COL4A6: variants seen among roughly 807,000 people sequenced by gnomAD.
The protein encoded by COL4A6 is collagen alpha-6(IV) chain.
Under a neutral mutation model 126.7 loss-of-function variants are expected in COL4A6, and 59 were observed. That is an observed-to-expected ratio of 0.47 (90% CI 0.38 to 0.58). COL4A6 has a LOEUF of 0.58. Among genes scored for constraint, COL4A6 ranks in the 20% least tolerant of loss-of-function variants. COL4A6 has a pLI of 0.00. For missense variants in COL4A6, 1,285 were observed against 1,337.3 expected, an observed-to-expected ratio of 0.96 and a Z score of 0.61; for synonymous variants, 547 against 496.6, an observed-to-expected ratio of 1.10 and a Z score of -1.35.
chrX:108,344,166 T>A (rs750397934), intron 2 of COL4A6, among the ~76,000 whole-genome samples: 2 of 111,283 alleles, frequency 1.8e-5, no homozygotes, highest in South Asian at 7.8e-4. Context: ...ACTCCATGTC[T>A]AAAATCAGCC....
At chrX:108,234,187 T>G (rs1422325306) in intron 3 of COL4A6, among the ~76,000 whole-genome samples, 1 of 112,117 alleles carries the variant, frequency 8.9e-6, no homozygotes, top group African/African-American at 3.2e-5. Flanking sequence ...CTAGAGAAAG[T>G]AATTGAGACC....
chrX:108,184,887 C>A (rs1432847807), intron 23 of COL4A6, among the ~76,000 whole-genome samples: 1 of 112,114 alleles, frequency 8.9e-6, no homozygotes, highest in African/African-American at 3.2e-5. Flanking sequence ...TTGCTAATAG[C>A]CAGAAGACTT....
intron 12 of COL4A6, 49 bp from the exon 13 acceptor site, chrX:108,203,030 G>A (rs770998317): frequency 6.3e-5 from 66 of 1,051,727 alleles, no homozygotes; most frequent in South Asian, 1.5e-4. Flanking sequence ...AGCAGTGAAC[G>A]CACAGTAGGA....
At chrX:108,232,929 C>A (rs1192065335) in intron 3 of COL4A6, among the ~76,000 whole-genome samples, 1 of 111,470 alleles carries the variant, frequency 9.0e-6, no homozygotes, top group Non-Finnish European at 1.9e-5. Context: ...ATTTGCTAGA[C>A]TCATGAGGCC....
At chrX:108,323,401 G>A (rs1364718881) in intron 2 of COL4A6, among the ~76,000 whole-genome samples, 1 of 111,813 alleles carries the variant, frequency 8.9e-6, no homozygotes, top group Non-Finnish European at 1.9e-5. Flanking sequence ...AAGTATCATT[G>A]GAGAAGATAA....
At chrX:108,337,524 A>G (rs926383861) in intron 2 of COL4A6, among the ~76,000 whole-genome samples, 3 of 113,076 alleles carry the variant, frequency 2.7e-5, no homozygotes, top group African/African-American at 9.6e-5. Context: ...TGAAGCGAGG[A>G]GCAGACAGAC....
intron 2 of COL4A6, among the ~76,000 whole-genome samples, chrX:108,357,956 T>A (rs2039995404): frequency 8.9e-6 from 1 of 111,764 alleles, no homozygotes; most frequent in Non-Finnish European, 1.9e-5. Context: ...TATATCCAAA[T>A]AATTTGTTAC....
At chrX:108,401,694 A>G (rs1243340061) in intron 2 of COL4A6, among the ~76,000 whole-genome samples, 3 of 111,253 alleles carry the variant, frequency 2.7e-5, no homozygotes. Flanking sequence ...TTTTATTTTT[A>G]ACTAAAATAA....
intron 2 of COL4A6, among the ~76,000 whole-genome samples, chrX:108,432,051 ATATACGGTGGTCACCTATGGTGGTTT>A (rs1405912463): frequency 8.9e-6 from 1 of 112,759 alleles, no homozygotes; most frequent in African/African-American, 3.2e-5. Context: ...GGATGACTGC[ATATACGGTGGTCACCTATGGTGGTTT>A]TTTATCTATC....
chrX:108,180,717 G>A (rs1160069109), intron 24 of COL4A6, 95 bp from the exon 25 acceptor site: 9 of 801,756 alleles, frequency 1.1e-5, no homozygotes, highest in Non-Finnish European at 1.6e-5. Context: ...CTCTTGGAGA[G>A]CCTCTCCTTG....
intron 13 of COL4A6, 105 bp from the exon 14 acceptor site, chrX:108,196,684 T>C: frequency 1.6e-6 from 1 of 607,889 alleles, no homozygotes. Context: ...ACTCTCCCCT[T>C]AGGGAGGCTC....
chrX:108,384,155 T>A (rs1349984382), intron 2 of COL4A6, among the ~76,000 whole-genome samples: 1 of 111,808 alleles, frequency 8.9e-6, no homozygotes, highest in Non-Finnish European at 1.9e-5. Context: ...ATCCTTTTTA[T>A]CCTCTATACT....
chrX:108,366,922 G>A (rs1308548766), intron 2 of COL4A6, among the ~76,000 whole-genome samples: 1 of 111,953 alleles, frequency 8.9e-6, no homozygotes, highest in African/African-American at 3.2e-5. Context: ...CAAACAATGT[G>A]TTTGGCCACA....
At chrX:108,179,502 A>C in intron 25 of COL4A6, 64 bp from the exon 26 acceptor site, 1 of 874,081 alleles carries the variant, frequency 1.1e-6, no homozygotes, top group South Asian at 2.5e-5. Context: ...CTGAGTACAG[A>C]TCTCTGAGAC....
chrX:108,182,284 C>T (rs1366234513), intron 23 of COL4A6, among the ~76,000 whole-genome samples: 1 of 112,433 alleles, frequency 8.9e-6, no homozygotes, highest in African/African-American at 3.2e-5. Flanking sequence ...GGTACATGCT[C>T]AATTAATAAT....
intron 3 of COL4A6, among the ~76,000 whole-genome samples, chrX:108,300,255 T>C (rs1406126023): frequency 1.8e-5 from 2 of 111,157 alleles, no homozygotes; most frequent in Admixed American, 9.6e-5. Context: ...GGAAAGGAGC[T>C]AGAACTATTT....
intron 3 of COL4A6, among the ~76,000 whole-genome samples, chrX:108,306,037 G>A (rs767115575): frequency 2.5e-4 from 28 of 111,863 alleles, no homozygotes; most frequent in South Asian, 3.8e-4. Flanking sequence ...AACCACCCTG[G>A]GAGAGGCCTA....
chrX:108,190,810 C>A (rs1219239879), intron 19 of COL4A6, among the ~76,000 whole-genome samples: 2 of 112,206 alleles, frequency 1.8e-5, no homozygotes, highest in Non-Finnish European at 3.8e-5. Context: ...CCCCAGAAAC[C>A]TCCCCTAGGA....
chrX:108,420,366 A>G (rs886162596), intron 2 of COL4A6, among the ~76,000 whole-genome samples: 5 of 111,709 alleles, frequency 4.5e-5, no homozygotes. Flanking sequence ...AATGTCCCCC[A>G]GGTGACTCAT....
Sources: gnomAD v4.1 joint callset for allele counts (sites outside exome capture counted in the v4.1 genomes callset) on GRCh38, gnomAD v4.1.1 for gene constraint, MANE v1.5 for transcripts, NCBI Gene and HGNC (gene_info 2026-07-23, HGNC 2026-07-21) for gene names.